Variants in PRKCH observed in about 807,000 individuals in gnomAD.
PRKCH encodes protein kinase C eta type.
A neutral mutation model predicts 82.5 loss-of-function variants in PRKCH; 28 were observed. The ratio of observed to expected loss-of-function variants is 0.34; its 90% confidence interval spans 0.25 to 0.47. The LOEUF is 0.47. PRKCH is among the 20% of genes least tolerant of loss of function. The probability of loss-of-function intolerance (pLI) is 1.00; values close to 1 mark genes in which losing one functional copy is unlikely to be tolerated. For missense variants in PRKCH, 705 were observed against 881.8 expected (o/e 0.80, Z 2.54); for synonymous variants, 322 against 327.4 (o/e 0.98, Z 0.18).
chr14:61,284,296 G>C (rs1262053390), intron 1 of PRKCH, among the ~76,000 whole-genome samples: 1 of 152,222 alleles, frequency 6.6e-6, no homozygotes, highest in African/African-American at 2.4e-5. Flanking sequence ...AAAAATTCAA[G>C]GTATTGCAGT....
intron 1 of PRKCH, among the ~76,000 whole-genome samples, chr14:61,247,735 CAAAAAAAAAAAAA>C (rs202153655): frequency 7.6e-5 from 4 of 52,720 alleles, no homozygotes; most frequent in East Asian, 1.5e-3. Flanking sequence ...GACTCCATCT[CAAAAAAAAAAAAA>C]AAAAAAAAAA....
At chr14:61,385,091 G>A (rs1455120247) in intron 1 of PRKCH, among the ~76,000 whole-genome samples, 3 of 152,032 alleles carry the variant, frequency 2.0e-5, no homozygotes, top group African/African-American at 7.3e-5. Context: ...TTTTTACCAA[G>A]AGAAGTGGTC....
intron 2 of PRKCH, among the ~76,000 whole-genome samples, chr14:61,426,637 A>G (rs1883123406): frequency 6.6e-6 from 1 of 152,224 alleles, no homozygotes; most frequent in Non-Finnish European, 1.5e-5. Flanking sequence ...TTTGCCACAA[A>G]TACTGGAAGG....
intron 1 of PRKCH, among the ~76,000 whole-genome samples, chr14:61,308,169 A>T (rs1008751884): frequency 6.6e-6 from 1 of 152,202 alleles, no homozygotes; most frequent in African/African-American, 2.4e-5. Context: ...AAAATGTGTA[A>T]CAATTATTCT....
chr14:61,276,703 C>CATAT (rs2045205698), intron 1 of PRKCH, among the ~76,000 whole-genome samples: 1 of 151,620 alleles, frequency 6.6e-6, no homozygotes, highest in Non-Finnish European at 1.5e-5. Context: ...TTCTTATATC[C>CATAT]AAGGAACTAG....
At chr14:61,478,731 A>G (rs1885837113) in intron 9 of PRKCH, among the ~76,000 whole-genome samples, 2 of 152,058 alleles carry the variant, frequency 1.3e-5, no homozygotes, top group Non-Finnish European at 1.5e-5. Flanking sequence ...GTGGTGGCAC[A>G]AACCTGTGGT....
intron 2 of PRKCH, among the ~76,000 whole-genome samples, chr14:61,433,377 A>T (rs999147572): frequency 8.5e-5 from 13 of 152,334 alleles, no homozygotes; most frequent in Admixed American, 3.9e-4. Context: ...GAGAAAAAAA[A>T]ATCAAAAGGG....
intron 9 of PRKCH, among the ~76,000 whole-genome samples, chr14:61,459,476 C>T (rs1884933295): frequency 6.6e-6 from 1 of 152,118 alleles, no homozygotes; most frequent in African/African-American, 2.4e-5. Context: ...TGAACAGGGG[C>T]CTTGAGAACT....
chr14:61,435,704 A>AAATGAATGAATGAATG (rs3837626), intron 2 of PRKCH, among the ~76,000 whole-genome samples: 1 of 150,560 alleles, frequency 6.6e-6, no homozygotes, highest in African/African-American at 2.5e-5. Context: ...ATCTCAATAT[A>AAATGAATGAATGAATG]AATGAATGAA....
chr14:61,363,078 G>C (rs1395679692), intron 1 of PRKCH, among the ~76,000 whole-genome samples: 1 of 152,216 alleles, frequency 6.6e-6, no homozygotes, highest in East Asian at 1.9e-4. Context: ...AACAGCATGA[G>C]TGTCAGTGCA....
chr14:61,277,135 G>A (rs2351805), intron 1 of PRKCH, among the ~76,000 whole-genome samples: 16,946 of 152,064 alleles, frequency 0.11, 1,356 homozygotes, highest in African/African-American at 0.22. Context: ...GCAGTGAGCC[G>A]AGGTTGCAGT....
At chr14:61,318,490 CCACCA>C (rs1162619672), upstream of PRKCH, among the ~76,000 whole-genome samples, 2 of 151,512 alleles carry the variant, frequency 1.3e-5, no homozygotes, top group African/African-American at 4.9e-5. Flanking sequence ...CAGGCATGAG[CCACCA>C]CACCTTGTCT....
intron 9 of PRKCH, among the ~76,000 whole-genome samples, chr14:61,466,753 G>A (rs1885278756): frequency 6.6e-6 from 1 of 152,138 alleles, no homozygotes; most frequent in African/African-American, 2.4e-5. Flanking sequence ...CCGCTTTCAG[G>A]TGGGCCACAG....
chr14:61,529,994 T>C (rs2043024970), intron 11 of PRKCH, among the ~76,000 whole-genome samples: 1 of 152,250 alleles, frequency 6.6e-6, no homozygotes, highest in Non-Finnish European at 1.5e-5. Flanking sequence ...TTCATGGCTA[T>C]TTATTTTCCT....
At chr14:61,467,115 C>T (rs1885296910) in intron 9 of PRKCH, among the ~76,000 whole-genome samples, 1 of 152,150 alleles carries the variant, frequency 6.6e-6, no homozygotes. Flanking sequence ...AGCAGCCAGG[C>T]AGCAAGGTAG....
intron 10 of PRKCH, among the ~76,000 whole-genome samples, chr14:61,522,466 A>C (rs982746501): frequency 6.6e-6 from 1 of 151,738 alleles, no homozygotes. Context: ...GCCACCCAGG[A>C]CTCCAACCAC....
At chr14:61,247,836 G>T (rs1012159574) in intron 1 of PRKCH, among the ~76,000 whole-genome samples, 1 of 151,604 alleles carries the variant, frequency 6.6e-6, no homozygotes, top group African/African-American at 2.4e-5. Flanking sequence ...ACACCCTGCA[G>T]TAGACGAGGT....
chr14:61,434,144 A>G (rs1194060580), intron 2 of PRKCH, among the ~76,000 whole-genome samples: 5 of 152,234 alleles, frequency 3.3e-5, no homozygotes, highest in Admixed American at 6.5e-5. Context: ...AGTTAAATTT[A>G]GTAAAGAAGA....
At chr14:61,444,714 GGTGT>G (rs1361776090) in intron 3 of PRKCH, among the ~76,000 whole-genome samples, 2 of 152,120 alleles carry the variant, frequency 1.3e-5, no homozygotes, top group Admixed American at 1.3e-4. Context: ...TCACCAACTG[GGTGT>G]GTGACTTAGT....
Sources: allele counts gnomAD v4.1 joint callset (sites outside exome capture counted in the v4.1 genomes callset), GRCh38; gene constraint gnomAD v4.1.1; transcripts MANE v1.5; gene names NCBI Gene and HGNC (gene_info 2026-07-23, HGNC 2026-07-21).